The following ABCC8 variants were observed in gnomAD, a reference collection of about 807,000 sequenced individuals.
ABCC8 encodes the protein ATP-binding cassette sub-family C member 8.
Under a neutral mutation model 188.0 loss-of-function variants are expected in ABCC8, and 137 were observed. That is an observed-to-expected ratio of 0.73 (90% CI 0.63 to 0.84). ABCC8 has a LOEUF of 0.84. Among genes scored for constraint, ABCC8 ranks in the 40% least tolerant of loss-of-function variants. The pLI, the probability that ABCC8 is intolerant of heterozygous loss-of-function variation, is 0.00. For synonymous variants in ABCC8, 797 were observed against 846.5 expected (o/e 0.94, Z 1.01); for missense variants, 1,750 against 2,072.7 (o/e 0.84, Z 3.02).
chr11:17,466,216 T>C (rs1015102363), intron 3 of ABCC8, among the ~76,000 whole-genome samples: 1 of 151,918 alleles, frequency 6.6e-6, no homozygotes, highest in African/African-American at 2.4e-5. Flanking sequence ...CTAGCCAATA[T>C]GGTGAAACCC....
chr11:17,436,533 A>G (rs894448755), intron 10 of ABCC8, among the ~76,000 whole-genome samples: 4 of 152,214 alleles, frequency 2.6e-5, no homozygotes, highest in African/African-American at 9.7e-5. Flanking sequence ...GACTCACCTT[A>G]ATTTGATTTA....
chr11:17,461,921 C>G, intron 4 of ABCC8, 96 bp from the exon 5 acceptor site: 1 of 1,574,750 alleles, frequency 6.4e-7, no homozygotes, highest in South Asian at 1.2e-5. Flanking sequence ...ATATTCCACA[C>G]TTGATCTCTA....
chr11:17,401,392 G>T (rs1341349301), intron 29 of ABCC8, among the ~76,000 whole-genome samples: 1 of 152,160 alleles, frequency 6.6e-6, no homozygotes, highest in African/African-American at 2.4e-5. Context: ...GCAGAGCTTT[G>T]CTCTGCTCTT....
At chr11:17,412,517 T>A (rs1206611994) in intron 21 of ABCC8, 149 bp downstream of exon 21, 5 of 1,180,878 alleles carry the variant, frequency 4.2e-6, no homozygotes, top group Non-Finnish European at 6.1e-6. Context: ...TCCCTATCAC[T>A]AGGATGATAA....
At chr11:17,433,883 T>C (rs980779540) in intron 10 of ABCC8, among the ~76,000 whole-genome samples, 5 of 152,186 alleles carry the variant, frequency 3.3e-5, no homozygotes, top group Middle Eastern at 3.2e-3. Flanking sequence ...CCCTTCCTCA[T>C]GAAGGCTAGA....
chr11:17,439,130 C>G (rs1002072039), intron 10 of ABCC8, among the ~76,000 whole-genome samples: 7 of 152,156 alleles, frequency 4.6e-5, no homozygotes, highest in African/African-American at 1.4e-4. Context: ...AGGGCTCACT[C>G]AACATCCACT....
chr11:17,432,096 C>T, intron 11 of ABCC8, 108 bp downstream of exon 11: 2 of 1,406,664 alleles, frequency 1.4e-6, no homozygotes, highest in Middle Eastern at 1.8e-4. Flanking sequence ...GCTGTGGAGC[C>T]TGTCTTCTGA....
At chr11:17,408,595 A>T in intron 22 of ABCC8, 78 bp from the exon 23 acceptor site, 1 of 1,547,548 alleles carries the variant, frequency 6.5e-7, no homozygotes, top group Non-Finnish European at 8.7e-7. Flanking sequence ...TGTGGAGTCT[A>T]AGATGGAGGT....
intron 29 of ABCC8, among the ~76,000 whole-genome samples, chr11:17,402,113 C>A (rs996745030): frequency 1.3e-5 from 2 of 152,150 alleles, no homozygotes; most frequent in South Asian, 4.1e-4. Context: ...AGCACATAGT[C>A]GGGGCTTAGT....
chr11:17,472,082 T>C (rs1194485741), intron 2 of ABCC8, among the ~76,000 whole-genome samples: 18 of 152,222 alleles, frequency 1.2e-4, no homozygotes, highest in Admixed American at 1.2e-3. Context: ...TCTAGACATG[T>C]TTTATTATAT....
At chr11:17,408,304 T>C (rs1031724137) in intron 23 of ABCC8, 88 bp downstream of exon 23, 18 of 1,330,086 alleles carry the variant, frequency 1.4e-5, no homozygotes, top group Middle Eastern at 5.0e-4. Flanking sequence ...CCTGGGGCAC[T>C]AAGGACAGGA....
intron 16 of ABCC8, among the ~76,000 whole-genome samples, chr11:17,419,346 T>C (rs1439698278): frequency 1.3e-5 from 2 of 152,206 alleles, no homozygotes; most frequent in African/African-American, 2.4e-5. Flanking sequence ...AGCTGGCATA[T>C]GTGTGGCAAC....
chr11:17,476,504 C>T (rs1848783571), intron 1 of ABCC8, 125 bp downstream of exon 1: 5 of 1,223,970 alleles, frequency 4.1e-6, no homozygotes, highest in South Asian at 3.0e-5. Flanking sequence ...GGGCAGGGGA[C>T]CCCGGGAACG....
At chr11:17,430,551 T>G (rs1426941848) in intron 12 of ABCC8, 2 of 511,990 alleles carry the variant, frequency 3.9e-6, no homozygotes, top group South Asian at 2.1e-5. Context: ...ACACTGGTTT[T>G]TTTTTTTTTT....
chr11:17,476,438 G>A (rs954431564), intron 1 of ABCC8, among the ~76,000 whole-genome samples, 191 bp downstream of exon 1: 2 of 152,212 alleles, frequency 1.3e-5, no homozygotes, highest in Admixed American at 6.5e-5. Flanking sequence ...CGGGGGCACC[G>A]GGGGAGTGAA....
chr11:17,463,447 G>A lies in ABCC8; in HGVS notation c.570C>T (p.Ile190=). ...CAGGTGGCCTGCTTACCCTCACCCT[G>A]ATGACATTGACCTCCACGAGGAGCA... ...GMLLLVEVNV[I]RVRRYIFFKT... Residue 190 remains isoleucine, a synonymous_variant, in exon 4 of 39, where the codon ATC becomes ATT. Transcript: ENST00000389817. The A allele has an allele frequency of 1.2e-6, 2 of 1,604,728 alleles. No individual in the cohort carries two copies. Among genetic ancestry groups the A allele is most frequent in the Non-Finnish European group, 1.7e-6 (2 of 1,175,874 alleles).
At chr11:17,397,997 T>C (rs984605764) in intron 30 of ABCC8, 200 bp from the exon 31 acceptor site, 2 of 647,506 alleles carry the variant, frequency 3.1e-6, no homozygotes, top group African/African-American at 4.0e-5. Context: ...AAGCTCATGC[T>C]CCCCTACCCC....
At chr11:17,450,286 CTTTCT>C (rs2133625828) in intron 7 of ABCC8, among the ~76,000 whole-genome samples, 1 of 134,784 alleles carries the variant, frequency 7.4e-6, no homozygotes, top group East Asian at 2.1e-4. Context: ...TTCTTTCTTT[CTTTCT>C]TTCTTTCTTT....
At chr11:17,416,858 A>G in intron 17 of ABCC8, 72 bp downstream of exon 17, 6 of 1,551,336 alleles carry the variant, frequency 3.9e-6, no homozygotes, top group Non-Finnish European at 5.3e-6. Context: ...TTACCCACCC[A>G]CAAGTCCTCC....
Sources: allele counts gnomAD v4.1 joint callset (sites outside exome capture counted in the v4.1 genomes callset), GRCh38; gene constraint gnomAD v4.1.1; transcripts MANE v1.5; gene names NCBI Gene and HGNC (gene_info 2026-07-23, HGNC 2026-07-21).